PRRC2A: variants seen among roughly 807,000 people sequenced by gnomAD.
The protein encoded by PRRC2A is proline rich coiled-coil 2A.
A neutral mutation model predicts 224.6 loss-of-function variants in PRRC2A; 59 were observed. That is an observed-to-expected ratio of 0.26 (90% confidence interval 0.21 to 0.33). The LOEUF is 0.33. Ranked by LOEUF, PRRC2A falls within the 10% of genes least tolerant of loss-of-function variation. PRRC2A has a pLI of 1.00. For synonymous variants in PRRC2A, 1,194 were observed against 1,109.5 expected (o/e 1.08, Z -1.51); for missense variants, 3,095 against 2,880.7 (o/e 1.07, Z -1.70).
At position 31,627,122 on chromosome 6, in the gene PRRC2A, C is replaced by T. The variant is rs550629729; in HGVS notation, c.1214C>T (p.Pro405Leu). 2 of 1,613,994 alleles carry T rather than the reference C, an allele frequency of 1.2e-6. No homozygotes were observed. Among genetic ancestry groups the T allele is most frequent in the Middle Eastern group, 1.6e-4 (1 of 6,062 alleles). Residue 405 changes from proline to leucine, a missense_variant, in exon 11 of 31, where the codon CCT becomes CTT. Pro to Leu is a moderately conservative substitution (Grantham distance 98). Around this residue, in one of 8 missense-constraint regions of PRRC2A, gnomAD observed 2,001 missense variants for 1,764.9 expected, o/e 1.13. Coordinates refer to ENST00000376033, the MANE Select transcript of PRRC2A (RefSeq NM_004638.4). The surrounding 1 kb of genome is among the most constrained non-coding windows in gnomAD (Gnocchi z 5.6). ...CGGCCTCCAGAGACAGAGCCGGGAC[C>T]TCCTGCCCCAAAGCCTCCCCTACCC... is the stretch of plus-strand genomic sequence containing the variant. ...TSRPPETEPG[P>L]PAPKPPLPPP...
chr6:31,629,387 C>T lies in PRRC2A; in HGVS notation c.1956+53C>T, dbSNP rs1296200548. 3 of 1,521,172 alleles carry T rather than the reference C, an allele frequency of 2.0e-6. No individual in the cohort carries two copies. The African/African-American group carries it at 4.2e-5, about 21-fold the overall frequency. 94.2% of individuals were successfully genotyped at this position (1,521,172 alleles called of 1,614,324 possible). ...GGCTGCTTTTCTTCCTGGCTTCGGT[C>T]CCTAATTCTCTTCATAAGTTACCTT... is the stretch of plus-strand genomic sequence containing the variant. On this transcript the variant is annotated intron_variant, in intron 13 of 30. Coordinates refer to ENST00000376033, the MANE Select transcript of PRRC2A (RefSeq NM_004638.4).
Position 31,637,527 on chromosome 6 carries a change from C to T in PRRC2A, c.6415C>T (p.Arg2139Trp), listed in dbSNP as rs773210387. 1.2e-5 allele frequency: 19 copies of T among 1,586,882 alleles called. No individual in the cohort carries two copies. The highest frequency in any genetic ancestry group is 9.5e-5 in the African/African-American group (7 of 73,684). ...GPPPREGPSR[R>W]AEEPGSRGDK... The stretch of plus-strand genomic sequence containing the variant: ...GCCACCTCGAGAAGGGCCCTCCCGA[C>T]GGGCAGAGGAGCCTGGGTCCCGAGG... The change falls in exon 31 of 31, where the codon CGG (arginine) becomes TGG (tryptophan). Residue 2139 changes from arginine to tryptophan, a missense_variant. Transcript: ENST00000376033.
Position 31,627,686 on chromosome 6 carries a change from A to C in PRRC2A, c.1291-79A>C, listed in dbSNP as rs1422662699. 16 of 1,526,904 alleles carry C rather than the reference A, an allele frequency of 1.0e-5. No individual in the cohort carries two copies. The highest frequency in any genetic ancestry group is 2.0e-5 in the Admixed American group (1 of 49,472). 94.6% of individuals were successfully genotyped at this position (1,526,904 alleles called of 1,614,324 possible). ...GTCGTTGCATCCTGCAAGTAGCGAC[A>C]GTTGATTTGTTGTAAAAGAGATGAT... On this transcript the variant is annotated intron_variant, in intron 11 of 30. Transcript: ENST00000376033. The surrounding 1 kb of genome is among the most constrained non-coding windows in gnomAD (Gnocchi z 5.6).
At chr6:31,635,867 A>AT in intron 24 of PRRC2A, 100 bp from the exon 25 acceptor site, 1 of 1,448,572 alleles carries the variant, frequency 6.9e-7, no homozygotes, top group African/African-American at 1.4e-5. Context: ...ACTTTGTCAC[A>AT]TCATTTTTCT....
At chr6:31,633,016 T>C (rs996843622) in intron 16 of PRRC2A, 24 bp downstream of exon 16, 1 of 1,493,376 alleles carries the variant, frequency 6.7e-7, no homozygotes, top group Non-Finnish European at 8.9e-7. Context: ...AACAAATTTA[T>C]TGTGGTTTAA....
intron 22 of PRRC2A, 53 bp from the exon 23 acceptor site, chr6:31,635,341 A>G: frequency 6.2e-7 from 1 of 1,613,910 alleles, no homozygotes; most frequent in Non-Finnish European, 8.5e-7. Flanking sequence ...GGTGGGACAT[A>G]GAGGACACAT....
chr6:31,629,971 T>C, intron 14 of PRRC2A, 126 bp downstream of exon 14: 1 of 1,433,020 alleles, frequency 7.0e-7, no homozygotes, highest in Non-Finnish European at 9.4e-7. Context: ...GAAGGGCATA[T>C]GCTTGGCACT....
chr6:31,636,063 C>T lies in PRRC2A; in HGVS notation c.5624+14C>T. The T allele has an allele frequency of 1.2e-6, 2 of 1,601,388 alleles. No individual in the cohort carries two copies. The highest frequency in any genetic ancestry group is 2.2e-5 in the South Asian group (2 of 90,748). On this transcript the variant is annotated intron_variant, in intron 25 of 30. Coordinates refer to ENST00000376033, the MANE Select transcript of PRRC2A (RefSeq NM_004638.4). This position sits in a 1 kb window ranked among gnomAD's most constrained non-coding sequence, Gnocchi z 4.3. ...GCACCCTTACAGGTAAGACTCGATG[C>T]CTGTGGATCACAGAAGTACTTGGAG...
rs1253062782 is a variant in PRRC2A, at chr6:31,636,337, G to C, written c.5753G>C (p.Gly1918Ala). 6.2e-7 allele frequency: 1 copy of C among 1,612,988 alleles called. No individual in the cohort carries two copies. Among genetic ancestry groups the C allele is most frequent in the Non-Finnish European group, 8.5e-7 (1 of 1,180,008 alleles). Residue 1918 changes from glycine to alanine, a missense_variant, in exon 26 of 31, where the codon GGA (glycine) becomes GCA (alanine). Physicochemically the swap from Gly to Ala is moderately conservative, Grantham distance 60 (BLOSUM62 0). Around this residue, in one of 8 missense-constraint regions of PRRC2A, gnomAD observed 662 missense variants for 609.5 expected, o/e 1.09. Coordinates refer to ENST00000376033, the MANE Select transcript of PRRC2A (RefSeq NM_004638.4). The surrounding 1 kb of genome is among the most constrained non-coding windows in gnomAD (Gnocchi z 4.3). ...QATELGKLPA[G>A]GVLYPPPSFL... is the part of the protein sequence containing the mutation. Reference sequence around the variant, plus strand: ...ACAGAGCTGGGGAAGTTGCCGGCTGGAGGAGTTCTCTACCCTCCACCTTCC... The same window carrying C: ...ACAGAGCTGGGGAAGTTGCCGGCTGCAGGAGTTCTCTACCCTCCACCTTCC...
rs116376510 is a variant in PRRC2A at position 31,632,953 on chromosome 6, G to A, written c.4280G>A (p.Arg1427Gln). Residue 1427 changes from arginine (R) to glutamine (Q), a missense_variant, in exon 16 of 31, where the codon CGA becomes CAA. Physicochemically the swap from Arg to Gln is conservative, Grantham distance 43 (BLOSUM62 1). Transcript: ENST00000376033. ...CCTGGAGGAAGGACCGGGCCAGGAC[G>A]AGGCGACAAGAGGAGCTGGCCCTCT... is the stretch of plus-strand genomic sequence containing the variant. ...GGPGGRTGPG[R>Q]GDKRSWPSPK... is the part of the protein sequence containing the mutation. 16 of 1,602,334 alleles carry A rather than the reference G, an allele frequency of 1.0e-5. No individual in the cohort carries two copies. Among genetic ancestry groups the A allele is most frequent in the South Asian group, 3.3e-5 (3 of 90,620 alleles).
chr6:31,634,462 C>A lies in PRRC2A; in HGVS notation c.4850-10C>A. On this transcript the variant is annotated splice_polypyrimidine_tract_variant and intron_variant, in intron 19 of 30. Transcript: ENST00000376033. ...CTCACTTCTCTTCTGGTTGGTGCTCCCTTCTCCAGCCACTAGCCGAAAGAG... is the reference window on the plus strand; with the variant it reads ...CTCACTTCTCTTCTGGTTGGTGCTCACTTCTCCAGCCACTAGCCGAAAGAG... 1 of 1,612,766 alleles carries A rather than the reference C, an allele frequency of 6.2e-7. No homozygotes were observed. The highest frequency in any genetic ancestry group is 1.1e-5 in the South Asian group (1 of 91,072).
Position 31,635,187 on chromosome 6 carries a change from A to G in PRRC2A, c.5216A>G (p.Gln1739Arg). ...GGCCCCATTGGCACAGAACGATCAC[A>G]GCGTACAGACCGAGGCACAGAGCCT... ...PPGPIGTERSQRTDRGTEPGP... is the reference protein window; with the variant it reads ...PPGPIGTERSRRTDRGTEPGP... Residue 1739 changes from glutamine (Q) to arginine (R), a missense_variant, in exon 22 of 31, where the codon CAG becomes CGG. This residue lies in a region of PRRC2A where 662 missense variants were observed against 609.5 expected (regional missense o/e 1.09). Coordinates refer to ENST00000376033, the MANE Select transcript of PRRC2A (RefSeq NM_004638.4). 2 of 1,612,828 alleles carry G rather than the reference A, an allele frequency of 1.2e-6. No homozygotes were observed. The highest frequency in any genetic ancestry group is 1.1e-5 in the South Asian group (1 of 91,050).
chr6:31,625,811 C>T lies in PRRC2A; in HGVS notation c.779C>T (p.Pro260Leu). 3 of 1,583,666 alleles carry T rather than the reference C, an allele frequency of 1.9e-6. No individual in the cohort carries two copies. Among genetic ancestry groups the T allele is most frequent in the Non-Finnish European group, 2.6e-6 (3 of 1,153,180 alleles). The change falls in exon 8 of 31, where the codon CCG becomes CTG. Residue 260 changes from proline to leucine, a missense_variant. Coordinates refer to ENST00000376033, the MANE Select transcript of PRRC2A (RefSeq NM_004638.4). The surrounding 1 kb of genome is among the most constrained non-coding windows in gnomAD (Gnocchi z 4.1). ...MPPFMYPPYL[P>L]FPPPYGPQGP... ...TTACAGATGTATCCCCCATATCTCCCGTTCCCTCCGCCCTATGGACCCCAG... is the reference window on the plus strand; with the variant it reads ...TTACAGATGTATCCCCCATATCTCCTGTTCCCTCCGCCCTATGGACCCCAG...
chr6:31,633,594 C>T lies in PRRC2A; in HGVS notation c.4535C>T (p.Pro1512Leu), dbSNP rs577727347. The change falls in exon 17 of 31, where the codon CCT becomes CTT. Residue 1512 changes from proline to leucine, a missense_variant. This residue lies in a region of PRRC2A where 2,001 missense variants were observed against 1,764.9 expected (regional missense o/e 1.13). Transcript: ENST00000376033. ...GLPQAPQGPS[P>L]RPPTRYEPQR... ...CCCCAAGCCCCTCAGGGCCCCTCTC[C>T]TAGGCCCCCAACCCGATACGAGCCC... The T allele has an allele frequency of 1.4e-5, 23 of 1,612,936 alleles. No homozygotes were observed. The highest frequency in any genetic ancestry group is 3.3e-5 in the Admixed American group (2 of 60,024).
At chr6:31,628,353 A>G in intron 12 of PRRC2A, 114 bp downstream of exon 12, 7 of 1,432,756 alleles carry the variant, frequency 4.9e-6, no homozygotes, top group East Asian at 2.5e-5. Flanking sequence ...GTTTTGGTTT[A>G]TTGGACTATC....
Position 31,634,191 on chromosome 6 carries a change from T to C in PRRC2A, c.4720-45T>C, listed in dbSNP as rs542069762. On this transcript the variant is annotated intron_variant, in intron 18 of 30. Transcript: ENST00000376033. The stretch of plus-strand genomic sequence containing the variant: ...TGTCCTGGCTTCCTATAATTCCCAA[T>C]TCCCACCCAATTCATGTTTTGCTTC... The C allele has an allele frequency of 1.3e-4, 199 of 1,574,428 alleles. 3 individuals are homozygous for C. In the South Asian group the frequency reaches 2.2e-3, roughly 17 times the overall value.
Position 31,632,282 on chromosome 6 carries a change from A to C in PRRC2A, c.3609A>C (p.Pro1203=). 2 of 1,613,126 alleles carry C rather than the reference A, an allele frequency of 1.2e-6. No homozygotes were observed. Among genetic ancestry groups the C allele is most frequent in the South Asian group, 1.1e-5 (1 of 91,088 alleles). The change falls in exon 16 of 31, where the codon CCA becomes CCC. Residue 1203 remains proline, a synonymous_variant. Transcript: ENST00000376033. ...AGAAACCTCCCACAGGCCCTTTGCC[A>C]CCAAGTAAGGAGCCTTTGAAAGAGA... ...APKKPPTGPL[P]PSKEPLKEKL...
At position 31,627,785 on chromosome 6, in the gene PRRC2A, C is replaced by T. The variant is rs750479541; in HGVS notation, c.1311C>T (p.Cys437=). The T allele has an allele frequency of 6.2e-7, 1 of 1,612,788 alleles. No individual in the cohort carries two copies. The highest frequency in any genetic ancestry group is 1.1e-5 in the South Asian group (1 of 91,064). ...GDYPDRGGPP[C]KPPAPEDEDE... ...GACAGGATCGTGGGGGTCCTCCCTG[C>T]AAGCCCCCAGCACCTGAAGATGAGG... The change falls in exon 12 of 31, where the codon TGC becomes TGT. Residue 437 remains cysteine (C), a synonymous_variant. Transcript: ENST00000376033. This position sits in a 1 kb window ranked among gnomAD's most constrained non-coding sequence, Gnocchi z 5.6.
In PRRC2A at chr6:31,636,530, C is replaced by T; in HGVS notation, c.5856C>T (p.Ser1952=). The change falls in exon 27 of 31, where the codon TCC becomes TCT. Residue 1952 remains serine (S), a synonymous_variant. Transcript: ENST00000376033. This position sits in a 1 kb window ranked among gnomAD's most constrained non-coding sequence, Gnocchi z 4.3. ...SLLQVRQDLP[S]PSDFYSTPLQ... is the part of the protein sequence containing the mutation. ...GACAGGTACGCCAGGATCTGCCATCCCCTTCGGATTTTTATTCTACTCCTC... is the reference window on the plus strand; with the variant it reads ...GACAGGTACGCCAGGATCTGCCATCTCCTTCGGATTTTTATTCTACTCCTC... 6.2e-7 allele frequency: 1 copy of T among 1,609,288 alleles called. No homozygotes were observed. Among genetic ancestry groups the T allele is most frequent in the South Asian group, 1.1e-5 (1 of 90,652 alleles).
Sources: allele counts gnomAD v4.1 joint callset, GRCh38; gene constraint gnomAD v4.1.1; regional missense constraint gnomAD v4.1.1; non-coding constraint Gnocchi (gnomAD v3.1); transcripts MANE v1.5; gene names NCBI Gene and HGNC (gene_info 2026-07-23, HGNC 2026-07-21).